The following DKK2 variants were observed in gnomAD, a reference collection of about 807,000 sequenced individuals.
DKK2 encodes dickkopf Wnt signaling pathway inhibitor 2.
In DKK2, 11 loss-of-function variants were observed where a neutral mutation model predicts 28.1. The observed-to-expected ratio is 0.39, with a 90% CI of 0.25 to 0.65. The LOEUF is 0.65. Ranked by LOEUF, DKK2 falls within the 30% of genes least tolerant of loss-of-function variation. The pLI is 0.47. For missense variants in DKK2, 326 were observed against 335.5 expected (o/e 0.97, Z 0.22); for synonymous variants, 135 against 126.5 (o/e 1.07, Z -0.45).
chr4:107,005,772 C>T (rs1258285795), intron 1 of DKK2, among the ~76,000 whole-genome samples: 1 of 152,120 alleles, frequency 6.6e-6, no homozygotes, highest in Non-Finnish European at 1.5e-5. Flanking sequence ...TTCATATACT[C>T]ACCATTAGAT....
intron 1 of DKK2, among the ~76,000 whole-genome samples, chr4:106,982,458 A>G (rs1423478370): frequency 6.6e-6 from 1 of 152,172 alleles, no homozygotes; most frequent in Non-Finnish European, 1.5e-5. Flanking sequence ...CCGGGCTGCT[A>G]GTGCTGGGTA....
chr4:107,017,062 T>C (rs1379479542), intron 1 of DKK2, among the ~76,000 whole-genome samples: 2 of 151,972 alleles, frequency 1.3e-5, no homozygotes, highest in Admixed American at 6.6e-5. Context: ...CCAGTCCCCA[T>C]GTTAAATAAA....
chr4:107,001,712 C>A (rs1723362225), intron 1 of DKK2, among the ~76,000 whole-genome samples: 2 of 152,020 alleles, frequency 1.3e-5, no homozygotes, highest in African/African-American at 4.8e-5. Context: ...ATGTTTCATA[C>A]CATTCAGTGT....
chr4:107,034,366 G>A (rs1290457274), intron 1 of DKK2, among the ~76,000 whole-genome samples: 1 of 152,132 alleles, frequency 6.6e-6, no homozygotes, highest in Non-Finnish European at 1.5e-5. Flanking sequence ...TCTCAGTTTT[G>A]GCTTCCCACA....
At position 107,001,174 on chromosome 4, in the gene DKK2, A is replaced by G. The variant is rs1469197739; in HGVS notation, c.222+34196T>C. ...ATAACTTTACACTTTCCAGCATCACAAATCTGTACAACATACAAAGCCAAG... is the reference window on the plus strand; with the variant it reads ...ATAACTTTACACTTTCCAGCATCACGAATCTGTACAACATACAAAGCCAAG... On this transcript the variant is annotated intron_variant, in intron 1 of 3. Transcript: ENST00000285311. Among the ~76,000 whole-genome samples, 3 of 152,172 alleles carry G rather than the reference A, an allele frequency of 2.0e-5. No individual in the cohort carries two copies. The South Asian group carries it at 6.2e-4, about 32-fold the overall frequency.
At chr4:106,950,207 A>G (rs1422395451) in intron 1 of DKK2, among the ~76,000 whole-genome samples, 1 of 152,194 alleles carries the variant, frequency 6.6e-6, no homozygotes, top group Non-Finnish European at 1.5e-5. Flanking sequence ...AGTCTTTCCC[A>G]TCCCAGTAAA....
chr4:106,968,470 G>A (rs895697754), intron 1 of DKK2, among the ~76,000 whole-genome samples: 5 of 152,054 alleles, frequency 3.3e-5, no homozygotes, highest in African/African-American at 1.2e-4. Flanking sequence ...GTGTGTGTAG[G>A]CATATATCAT....
intron 1 of DKK2, among the ~76,000 whole-genome samples, chr4:106,956,391 GA>G (rs1213513823): frequency 6.6e-6 from 1 of 152,044 alleles, no homozygotes; most frequent in Admixed American, 6.6e-5. Flanking sequence ...CACAGAATTG[GA>G]AAAAACTACT....
At chr4:106,942,027 T>C (rs1724706938) in intron 1 of DKK2, among the ~76,000 whole-genome samples, 1 of 152,168 alleles carries the variant, frequency 6.6e-6, no homozygotes, top group Admixed American at 6.6e-5. Flanking sequence ...AAAAGAGATT[T>C]ATGTCTAGTG....
intron 1 of DKK2, among the ~76,000 whole-genome samples, chr4:106,960,895 C>A (rs1350579020): frequency 1.3e-5 from 2 of 152,088 alleles, no homozygotes; most frequent in African/African-American, 4.8e-5. Context: ...TTCCTTTCTA[C>A]TGATTATTTT....
chr4:106,970,401 C>G (rs970769554), intron 1 of DKK2, among the ~76,000 whole-genome samples: 1 of 151,990 alleles, frequency 6.6e-6, no homozygotes, highest in African/African-American at 2.4e-5. Context: ...AATGTCACTG[C>G]ATGTTTAGAG....
chr4:106,983,426 C>T (rs187043900), intron 1 of DKK2, among the ~76,000 whole-genome samples: 1 of 151,766 alleles, frequency 6.6e-6, no homozygotes, highest in Non-Finnish European at 1.5e-5. Flanking sequence ...AGCCTCATAT[C>T]TTACACAAGA....
intron 1 of DKK2, among the ~76,000 whole-genome samples, chr4:106,994,613 A>G (rs1723246858): frequency 6.6e-6 from 1 of 152,214 alleles, no homozygotes; most frequent in South Asian, 2.1e-4. Flanking sequence ...AGAAGAAAAA[A>G]TAACTGGGGG....
Position 106,973,074 on chromosome 4 carries a change from CT to C in DKK2, c.223-47126del, listed in dbSNP as rs531937492. Among the ~76,000 whole-genome samples, 395 of 152,198 alleles carry C rather than the reference CT, an allele frequency of 2.6e-3. 3 individuals carry two copies. Among genetic ancestry groups the C allele is most frequent in the African/African-American group, 8.6e-3 (359 of 41,526 alleles). On this transcript the variant is annotated intron_variant, in intron 1 of 3. Transcript: ENST00000285311. ...TCCCTGCAAAGGACATGAACTCATC[CT>C]TTTTTATGGCTGCGTAGTATTCCAT...
chr4:107,025,210 T>C (rs754246603), intron 1 of DKK2, among the ~76,000 whole-genome samples: 8 of 152,186 alleles, frequency 5.3e-5, no homozygotes, highest in Middle Eastern at 3.2e-3. Context: ...TCTGAGACAG[T>C]GTCTTCCTAA....
At chr4:106,963,885 C>A (rs892460193) in intron 1 of DKK2, among the ~76,000 whole-genome samples, 1 of 152,130 alleles carries the variant, frequency 6.6e-6, no homozygotes, top group Admixed American at 6.5e-5. Flanking sequence ...ATTTTTCATT[C>A]TTCTGCATAT....
At chr4:106,971,273 T>G (rs190840156) in intron 1 of DKK2, among the ~76,000 whole-genome samples, 1 of 152,150 alleles carries the variant, frequency 6.6e-6, no homozygotes, top group African/African-American at 2.4e-5. Context: ...CTTTGTGTTA[T>G]GGATTTTTCT....
At chr4:107,028,739 C>A (rs1397094634) in intron 1 of DKK2, among the ~76,000 whole-genome samples, 2 of 152,134 alleles carry the variant, frequency 1.3e-5, no homozygotes, top group Non-Finnish European at 2.9e-5. Context: ...AAAAGCAATA[C>A]AAGACTCTAA....
intron 1 of DKK2, among the ~76,000 whole-genome samples, chr4:106,975,561 T>C (rs1722931769): frequency 6.6e-6 from 1 of 152,198 alleles, no homozygotes; most frequent in Non-Finnish European, 1.5e-5. Flanking sequence ...TGGTAGTTTG[T>C]ATTTGTGTGG....
Sources: allele counts gnomAD v4.1 joint callset (sites outside exome capture counted in the v4.1 genomes callset), GRCh38; gene constraint gnomAD v4.1.1; transcripts MANE v1.5; gene names NCBI Gene and HGNC (gene_info 2026-07-23, HGNC 2026-07-21).